Variants in PDE4D observed in about 807,000 individuals in gnomAD.
PDE4D encodes 3',5'-cyclic-AMP phosphodiesterase 4D.
A neutral mutation model predicts 87.4 loss-of-function variants in PDE4D; 24 were observed. The ratio of observed to expected loss-of-function variants is 0.27; its 90% CI spans 0.20 to 0.39. PDE4D has a LOEUF of 0.39. Ranked by LOEUF, PDE4D falls within the 10% of genes least tolerant of loss-of-function variation. The probability of loss-of-function intolerance (pLI) is 1.00; values close to 1 mark genes in which losing one functional copy is unlikely to be tolerated. For synonymous variants in PDE4D, 384 were observed against 383.2 expected, an observed-to-expected ratio of 1.00 and a Z score of -0.02; for missense variants, 714 against 1,041.0, an observed-to-expected ratio of 0.69 and a Z score of 4.32.
intron 6 of PDE4D, chr5:58,999,976 C>A (rs1477789601): frequency 1.1e-6 from 1 of 896,528 alleles, no homozygotes; most frequent in South Asian, 5.1e-5. Context: ...TCCCATAAAA[C>A]CCCAACTCTG....
At chr5:59,769,125 G>T (rs183927356) in intron 1 of PDE4D, among the ~76,000 whole-genome samples, 4 of 151,918 alleles carry the variant, frequency 2.6e-5, no homozygotes, top group African/African-American at 9.7e-5. Flanking sequence ...TACACAAGGA[G>T]AAATACTTCC....
chr5:60,113,847 A>C (rs1421925051), intron 2 of PDE4D, among the ~76,000 whole-genome samples: 1 of 152,092 alleles, frequency 6.6e-6, no homozygotes, highest in Non-Finnish European at 1.5e-5. Context: ...CCTTGACCCT[A>C]TAACGTCTAG....
At chr5:59,667,660 C>T (rs1457175895) in intron 1 of PDE4D, among the ~76,000 whole-genome samples, 2 of 152,116 alleles carry the variant, frequency 1.3e-5, no homozygotes, top group African/African-American at 4.8e-5. Context: ...TTTTCAAGCG[C>T]CATATTAGTT....
chr5:59,292,609 T>A (rs1768255496), intron 1 of PDE4D, among the ~76,000 whole-genome samples: 1 of 152,196 alleles, frequency 6.6e-6, no homozygotes, highest in Non-Finnish European at 1.5e-5. Context: ...GCACATAAGT[T>A]TTTTTAATTT....
In PDE4D at chr5:59,413,943, CAT is replaced by C. The variant is rs1052941877; in HGVS notation, c.456-197977_456-197976del. Among the ~76,000 whole-genome samples, 4 of 152,024 alleles carry C rather than the reference CAT, an allele frequency of 2.6e-5. No individual in the cohort carries two copies. In the East Asian group the frequency reaches 7.7e-4, roughly 29 times the overall value. On this transcript the variant is annotated intron_variant, in intron 1 of 14. Coordinates refer to ENST00000340635, the MANE Select transcript of PDE4D (RefSeq NM_001104631.2). ...ACACAAATATACACATACACACACA[CAT>C]ATATATATCTGTGCATATCTGCTCA... is the stretch of plus-strand genomic sequence containing the variant.
rs144362413 is a variant in PDE4D at position 59,591,798 on chromosome 5, T to G, written c.455+301370A>C. Among the ~76,000 whole-genome samples the G allele has an allele frequency of 9.2e-3, 1,404 of 152,236 alleles. 12 individuals carry two copies. The highest frequency in any genetic ancestry group is 0.042 in the East Asian group (217 of 5,174). ...ACACATACAAAAACTTCTATGTACT[T>G]TTCTTAGCACATTCTATATACTATT... On this transcript the variant is annotated intron_variant, in intron 1 of 14. Transcript: ENST00000340635.
intron 5 of PDE4D, among the ~76,000 whole-genome samples, chr5:59,173,887 A>G (rs930771714): frequency 6.6e-6 from 1 of 152,140 alleles, no homozygotes; most frequent in Admixed American, 6.5e-5. Flanking sequence ...TGCCTTCTTT[A>G]TATGGTTCTT....
chr5:59,767,637 CACA>C (rs1326087934), intron 1 of PDE4D, among the ~76,000 whole-genome samples: 3 of 152,086 alleles, frequency 2.0e-5, no homozygotes, highest in African/African-American at 4.8e-5. Flanking sequence ...ATTCAAAGAA[CACA>C]ACAATACTAC....
intron 1 of PDE4D, among the ~76,000 whole-genome samples, chr5:59,362,135 G>C (rs140002190): frequency 1.3e-5 from 2 of 152,196 alleles, no homozygotes; most frequent in Admixed American, 1.3e-4. Flanking sequence ...GTTTTGGAGA[G>C]GGCTGAATAA....
intron 2 of PDE4D, chr5:60,127,649 C>T (rs1209021572): frequency 1.7e-6 from 1 of 591,540 alleles, no homozygotes; most frequent in Non-Finnish European, 3.0e-6. Flanking sequence ...GTTTTAAGGG[C>T]CACAAGAGAA....
intron 1 of PDE4D, among the ~76,000 whole-genome samples, chr5:60,487,194 T>C (rs753450064): frequency 3.8e-4 from 58 of 152,328 alleles, no homozygotes; most frequent in Non-Finnish European, 5.4e-4. Flanking sequence ...CCAGCAATCA[T>C]ACAAACCTAA....
chr5:59,462,666 T>C (rs953291792), intron 1 of PDE4D, among the ~76,000 whole-genome samples: 1 of 152,174 alleles, frequency 6.6e-6, no homozygotes, highest in Non-Finnish European at 1.5e-5. Flanking sequence ...GCATGAAATC[T>C]ACTAAATGGA....
intron 2 of PDE4D, among the ~76,000 whole-genome samples, chr5:59,205,842 G>C (rs1329923222): frequency 6.6e-6 from 1 of 152,134 alleles, no homozygotes; most frequent in Non-Finnish European, 1.5e-5. Flanking sequence ...GTGAAACAAT[G>C]AGTTAAAAAA....
intron 2 of PDE4D, among the ~76,000 whole-genome samples, chr5:60,040,182 C>A (rs186616801): frequency 1.3e-5 from 2 of 152,232 alleles, no homozygotes; most frequent in Admixed American, 1.3e-4. Flanking sequence ...AAGCAAAATT[C>A]TTTTCTGAGT....
chr5:59,846,152 ATC>A (rs1743814147), intron 1 of PDE4D, among the ~76,000 whole-genome samples: 12 of 152,082 alleles, frequency 7.9e-5, no homozygotes, highest in Non-Finnish European at 1.3e-4. Flanking sequence ...TAAATTAAAA[ATC>A]ACTAGATTAT....
intron 1 of PDE4D, among the ~76,000 whole-genome samples, chr5:59,842,861 C>G (rs553130438): frequency 3.3e-5 from 5 of 151,978 alleles, no homozygotes; most frequent in African/African-American, 9.6e-5. Flanking sequence ...TTGAATTCTG[C>G]TTTTTTCCTT....
intron 1 of PDE4D, among the ~76,000 whole-genome samples, chr5:59,431,260 A>G (rs1464503637): frequency 6.6e-6 from 1 of 152,136 alleles, no homozygotes; most frequent in Non-Finnish European, 1.5e-5. Context: ...AAGGATATTA[A>G]ATAATTCTAC....
intron 2 of PDE4D, among the ~76,000 whole-genome samples, chr5:60,050,187 C>T (rs1488046268): frequency 1.3e-5 from 2 of 152,188 alleles, no homozygotes; most frequent in African/African-American, 2.4e-5. Flanking sequence ...ACCCCTTGTG[C>T]TTCCCGAGTG....
intron 5 of PDE4D, among the ~76,000 whole-genome samples, chr5:59,099,234 C>T (rs1561482560): frequency 6.6e-6 from 1 of 152,142 alleles, no homozygotes; most frequent in South Asian, 2.1e-4. Flanking sequence ...TAAGAAATTT[C>T]CCCCAAAGGA....
Sources: allele counts gnomAD v4.1 joint callset (sites outside exome capture counted in the v4.1 genomes callset), GRCh38; gene constraint gnomAD v4.1.1; transcripts MANE v1.5; gene names NCBI Gene and HGNC (gene_info 2026-07-23, HGNC 2026-07-21).